Variants in GRID1 observed in about 807,000 individuals in gnomAD.
The protein encoded by GRID1 is glutamate ionotropic receptor delta type subunit 1.
GRID1 carries 28 observed loss-of-function variants against 98.0 expected under a neutral mutation model. The ratio of observed to expected loss-of-function variants is 0.29; its 90% CI spans 0.21 to 0.39. The LOEUF (loss-of-function observed/expected upper bound fraction) is 0.39. GRID1 is among the 10% of genes least tolerant of loss of function. GRID1 has a pLI of 1.00. For missense variants in GRID1, 1,111 were observed against 1,340.5 expected (o/e 0.83, Z 2.67); for synonymous variants, 553 against 538.5 (o/e 1.03, Z -0.37).
At chr10:85,924,709 C>CAAGA (rs907579921) in intron 4 of GRID1, among the ~76,000 whole-genome samples, 13 of 152,096 alleles carry the variant, frequency 8.5e-5, no homozygotes, top group Non-Finnish European at 1.6e-4. Context: ...TATGGAAAAA[C>CAAGA]AAGAAAGAAA....
At chr10:85,650,258 C>T (rs1323134039) in intron 12 of GRID1, 1 of 152,152 alleles carries the variant, frequency 6.6e-6, no homozygotes, top group Non-Finnish European at 1.5e-5. Context: ...AGATAGGACG[C>T]CCATTCTAGC....
At chr10:86,133,905 C>T (rs1844875934) in intron 4 of GRID1, among the ~76,000 whole-genome samples, 1 of 152,232 alleles carries the variant, frequency 6.6e-6, no homozygotes, top group Non-Finnish European at 1.5e-5. Flanking sequence ...AGCAGCAACT[C>T]TTCTCCATAA....
chr10:86,106,301 A>G (rs1007866231), intron 4 of GRID1, among the ~76,000 whole-genome samples: 8 of 152,358 alleles, frequency 5.3e-5, no homozygotes, highest in Middle Eastern at 3.4e-3. Context: ...TCTCAATGCA[A>G]TCACTAAAAA....
At chr10:86,099,721 G>C (rs1045289969) in intron 4 of GRID1, among the ~76,000 whole-genome samples, 2 of 152,170 alleles carry the variant, frequency 1.3e-5, no homozygotes, top group Admixed American at 6.5e-5. Context: ...ATGTGTGTCT[G>C]TGATCTCCTT....
intron 3 of GRID1, among the ~76,000 whole-genome samples, chr10:86,183,245 CTAAT>C (rs1261569447): frequency 6.6e-6 from 1 of 152,090 alleles, no homozygotes; most frequent in Non-Finnish European, 1.5e-5. Flanking sequence ...TTCACCCAGC[CTAAT>C]TATTTTGAAA....
chr10:86,288,209 A>T (rs1847462811), intron 2 of GRID1, among the ~76,000 whole-genome samples: 1 of 152,234 alleles, frequency 6.6e-6, no homozygotes, highest in Non-Finnish European at 1.5e-5. Flanking sequence ...CTGCGAGAGC[A>T]GAGTTCAGCA....
At chr10:85,931,622 T>C (rs1283049885) in intron 4 of GRID1, among the ~76,000 whole-genome samples, 1 of 152,220 alleles carries the variant, frequency 6.6e-6, no homozygotes, top group Admixed American at 6.5e-5. Context: ...GGGTGCAATA[T>C]TTTTTAATCT....
In GRID1 at chr10:85,722,997, G is replaced by C; in HGVS notation, c.1997+6C>G. 6.2e-7 allele frequency: 1 copy of C among 1,606,938 alleles called. No individual in the cohort carries two copies. The highest frequency in any genetic ancestry group is 8.5e-7 in the Non-Finnish European group (1 of 1,176,456). ...CTGGCTCCAGATCAAGGAGGAATAGGCTTACCTTATGGGGTTGTCCATCCT... is the reference window on the plus strand; with the variant it reads ...CTGGCTCCAGATCAAGGAGGAATAGCCTTACCTTATGGGGTTGTCCATCCT... On this transcript the variant is annotated splice_donor_region_variant and intron_variant, in intron 12 of 15. Transcript: ENST00000327946.
chr10:86,051,834 G>C (rs532621511), intron 4 of GRID1, among the ~76,000 whole-genome samples: 2 of 152,322 alleles, frequency 1.3e-5, no homozygotes, highest in African/African-American at 2.4e-5. Context: ...ATACATTGCT[G>C]GTGGGAATAT....
intron 12 of GRID1, among the ~76,000 whole-genome samples, chr10:85,681,279 G>A (rs1019671511): frequency 1.1e-4 from 16 of 152,038 alleles, no homozygotes; most frequent in Non-Finnish European, 2.4e-4. Flanking sequence ...ACTCTGAATC[G>A]GGTTCTCTGG....
At chr10:85,624,378 G>A (rs1052245908) in intron 13 of GRID1, among the ~76,000 whole-genome samples, 1 of 152,148 alleles carries the variant, frequency 6.6e-6, no homozygotes, top group African/African-American at 2.4e-5. Context: ...AAGGCTGGTG[G>A]AAACTTAGGC....
intron 4 of GRID1, among the ~76,000 whole-genome samples, chr10:85,980,217 A>G (rs544425830): frequency 5.3e-5 from 8 of 152,292 alleles, no homozygotes; most frequent in South Asian, 2.1e-4. Context: ...GGATTCCCCC[A>G]TGCCCATCTC....
intron 4 of GRID1, among the ~76,000 whole-genome samples, chr10:85,924,407 T>C (rs141025265): frequency 4.1e-4 from 62 of 152,298 alleles, no homozygotes; most frequent in African/African-American, 1.4e-3. Flanking sequence ...AGAAACAAAG[T>C]GAACTTAAAG....
chr10:86,018,160 T>C (rs1023907608), intron 4 of GRID1, among the ~76,000 whole-genome samples: 1 of 152,190 alleles, frequency 6.6e-6, no homozygotes, highest in Non-Finnish European at 1.5e-5. Context: ...TCTGTTCCAG[T>C]GGAGGGGTGA....
intron 4 of GRID1, among the ~76,000 whole-genome samples, chr10:86,034,948 G>GGATA: frequency 6.7e-6 from 1 of 149,854 alleles, no homozygotes; most frequent in African/African-American, 2.4e-5. Context: ...ATGGATGGAT[G>GGATA]GATGGATAGA....
chr10:86,294,220 C>G (rs1847556087), intron 2 of GRID1, among the ~76,000 whole-genome samples: 1 of 152,102 alleles, frequency 6.6e-6, no homozygotes, highest in Admixed American at 6.5e-5. Flanking sequence ...CTGGTGAAGG[C>G]AAGGAGAACA....
chr10:86,045,234 T>A (rs932056171), intron 4 of GRID1, among the ~76,000 whole-genome samples: 4 of 152,114 alleles, frequency 2.6e-5, no homozygotes, highest in African/African-American at 7.2e-5. Flanking sequence ...TTGCCCAGGG[T>A]TATGCAACTA....
intron 2 of GRID1, among the ~76,000 whole-genome samples, chr10:86,353,961 C>T (rs1485906917): frequency 6.6e-6 from 1 of 152,240 alleles, no homozygotes; most frequent in Non-Finnish European, 1.5e-5. Context: ...CGGCCCAGAG[C>T]TCAGGTCAGG....
intron 3 of GRID1, among the ~76,000 whole-genome samples, chr10:86,150,844 C>A (rs1490529469): frequency 2.6e-5 from 4 of 152,176 alleles, no homozygotes; most frequent in Non-Finnish European, 5.9e-5. Context: ...AGATGGCCAA[C>A]TGCAAACCAG....
Sources: gnomAD v4.1 joint callset for allele counts (sites outside exome capture counted in the v4.1 genomes callset) on GRCh38, gnomAD v4.1.1 for gene constraint, MANE v1.5 for transcripts, NCBI Gene and HGNC (gene_info 2026-07-23, HGNC 2026-07-21) for gene names.